MAP3K1: variants seen among roughly 807,000 people sequenced by gnomAD.
The protein encoded by MAP3K1 is mitogen-activated protein kinase kinase kinase 1, also known as MAP/ERK kinase kinase 1.
A neutral mutation model predicts 144.2 loss-of-function variants in MAP3K1; 36 were observed. That is an observed-to-expected ratio of 0.25 (90% CI 0.19 to 0.33). The LOEUF is 0.33. Among genes scored for constraint, MAP3K1 ranks in the 10% least tolerant of loss-of-function variants. MAP3K1 has a pLI of 1.00. For missense variants in MAP3K1, 1,650 were observed against 1,881.9 expected, an observed-to-expected ratio of 0.88 and a Z score of 2.28; for synonymous variants, 718 against 688.7, an observed-to-expected ratio of 1.04 and a Z score of -0.67.
chr5:56,833,135 G>T (rs1021722064), intron 1 of MAP3K1, among the ~76,000 whole-genome samples: 8 of 152,210 alleles, frequency 5.3e-5, no homozygotes, highest in Admixed American at 2.6e-4. Context: ...CTCCCAAAGT[G>T]CTGGGATTAC....
intron 1 of MAP3K1, among the ~76,000 whole-genome samples, chr5:56,823,237 A>T (rs1393380326): frequency 6.6e-6 from 1 of 152,094 alleles, no homozygotes; most frequent in African/African-American, 2.4e-5. Context: ...ATCTCAGCTC[A>T]CACTTGCCCT....
intron 7 of MAP3K1, among the ~76,000 whole-genome samples, chr5:56,872,246 G>C (rs1020640777): frequency 2.0e-5 from 3 of 152,180 alleles, no homozygotes; most frequent in Non-Finnish European, 2.9e-5. Context: ...AATAAAGTGT[G>C]TGTGACATAT....
intron 6 of MAP3K1, among the ~76,000 whole-genome samples, chr5:56,867,252 T>A (rs1041206616): frequency 6.6e-6 from 1 of 152,192 alleles, no homozygotes; most frequent in African/African-American, 2.4e-5. Flanking sequence ...ATATTTGGAT[T>A]TGCATATCCA....
intron 1 of MAP3K1, chr5:56,817,044 T>A (rs1204823397): frequency 1.0e-6 from 1 of 985,210 alleles, no homozygotes; most frequent in Non-Finnish European, 1.2e-6. Context: ...CCCGCTGAAT[T>A]CCAGGGGCCG....
At chr5:56,844,509 C>A (rs1267845036) in intron 1 of MAP3K1, among the ~76,000 whole-genome samples, 2 of 152,120 alleles carry the variant, frequency 1.3e-5, no homozygotes, top group East Asian at 3.9e-4. Context: ...GCTATGTCTT[C>A]TGTTTGGAAC....
chr5:56,841,096 G>A (rs1356382377), intron 1 of MAP3K1, among the ~76,000 whole-genome samples: 1 of 151,624 alleles, frequency 6.6e-6, no homozygotes, highest in Non-Finnish European at 1.5e-5. Context: ...TGGGCAAGGT[G>A]TTTCACACCT....
Position 56,859,456 on chromosome 5 carries a change from T to C in MAP3K1, c.634-259T>C, listed in dbSNP as rs377048652. Among the ~76,000 whole-genome samples the C allele has an allele frequency of 3.3e-5, 5 of 152,290 alleles. No homozygotes were observed. The East Asian group carries it at 5.8e-4, about 18-fold the overall frequency. On this transcript the variant is annotated intron_variant, in intron 2 of 19. Coordinates refer to ENST00000399503, the MANE Select transcript of MAP3K1 (RefSeq NM_005921.2). Reference sequence around the variant, plus strand: ...ACAAATAATACCATTTCTACAGTTTTGTATGCATTACAAAATTGTAAGGGA... The same window carrying C: ...ACAAATAATACCATTTCTACAGTTTCGTATGCATTACAAAATTGTAAGGGA...
intron 2 of MAP3K1, among the ~76,000 whole-genome samples, chr5:56,857,584 C>T (rs1579751322): frequency 6.6e-6 from 1 of 152,232 alleles, no homozygotes; most frequent in East Asian, 1.9e-4. Flanking sequence ...CTACATTCAT[C>T]CCATATGCCT....
chr5:56,847,064 C>A (rs1422869723), intron 1 of MAP3K1, among the ~76,000 whole-genome samples: 1 of 152,208 alleles, frequency 6.6e-6, no homozygotes, highest in Non-Finnish European at 1.5e-5. Context: ...GCCTTATTTT[C>A]TTTCTGGAAC....
chr5:56,822,197 T>C (rs769160625), intron 1 of MAP3K1, among the ~76,000 whole-genome samples: 6 of 152,024 alleles, frequency 3.9e-5, no homozygotes, highest in Non-Finnish European at 5.9e-5. Flanking sequence ...TTAATTTTTG[T>C]ATTTTTTTGT....
chr5:56,869,317 A>G (rs1308574365), intron 6 of MAP3K1, among the ~76,000 whole-genome samples: 2 of 152,138 alleles, frequency 1.3e-5, no homozygotes, highest in Non-Finnish European at 2.9e-5. Context: ...GAAGGAGATC[A>G]TGGAAAATGG....
chr5:56,871,851 A>G (rs989045164), intron 6 of MAP3K1, 59 bp from the exon 7 acceptor site: 114 of 1,546,530 alleles, frequency 7.4e-5, no homozygotes, highest in Non-Finnish European at 8.9e-5. Context: ...TGTTTTTAGC[A>G]TATCCGTTCT....
At position 56,894,726 on chromosome 5, in the gene MAP3K1, C is replaced by G. The variant is rs1389015170; in HGVS notation, c.*1046C>G. The G allele has an allele frequency of 8.6e-6, 2 of 232,204 alleles. No homozygotes were observed. Among genetic ancestry groups the G allele is most frequent in the African/African-American group, 2.2e-5 (1 of 45,312 alleles). 14.4% of individuals were successfully genotyped at this position (232,204 alleles called of 1,614,324 possible). ...GTAGTAACATAGAGCTGCCATTTTC[C>G]TTTTACCATGCATCATCTCTTTACA... On this transcript the variant is annotated 3_prime_UTR_variant, in exon 20 of 20. Transcript: ENST00000399503.
At chr5:56,829,198 C>G (rs1358495054) in intron 1 of MAP3K1, among the ~76,000 whole-genome samples, 1 of 142,726 alleles carries the variant, frequency 7.0e-6, no homozygotes, top group Non-Finnish European at 1.5e-5. Context: ...CCTCTTTTTT[C>G]TGAGACAGGG....
chr5:56,852,793 A>G (rs1747215102), intron 1 of MAP3K1, among the ~76,000 whole-genome samples: 1 of 152,196 alleles, frequency 6.6e-6, no homozygotes, highest in Admixed American at 6.6e-5. Flanking sequence ...CTCATCTCCC[A>G]GTGACTTCAC....
chr5:56,879,776 A>T (rs1159372842), intron 11 of MAP3K1, among the ~76,000 whole-genome samples: 1 of 152,236 alleles, frequency 6.6e-6, no homozygotes, highest in East Asian at 1.9e-4. Context: ...TTCATTTAAT[A>T]ATCACAGCTA....
intron 1 of MAP3K1, among the ~76,000 whole-genome samples, chr5:56,821,721 T>C (rs1404864192): frequency 2.0e-5 from 3 of 152,344 alleles, no homozygotes; most frequent in South Asian, 2.1e-4. Flanking sequence ...ATTTAAGTTA[T>C]ATGTTAACAC....
Position 56,874,593 on chromosome 5 carries a change from A to G in MAP3K1, c.1687-439A>G, listed in dbSNP as rs529094632. On this transcript the variant is annotated intron_variant, in intron 9 of 19. Coordinates refer to ENST00000399503, the MANE Select transcript of MAP3K1 (RefSeq NM_005921.2). ...AGAGAAATACTCTATATCTCTTGAAACCTTCTCCTGGTGCTTTTTTTGATT... is the reference window on the plus strand; with the variant it reads ...AGAGAAATACTCTATATCTCTTGAAGCCTTCTCCTGGTGCTTTTTTTGATT... Among the ~76,000 whole-genome samples, 5 of 152,136 alleles carry G rather than the reference A, an allele frequency of 3.3e-5. No homozygotes were observed. The East Asian group carries it at 9.7e-4, about 29-fold the overall frequency.
At chr5:56,853,391 TA>T (rs373320506) in intron 1 of MAP3K1, among the ~76,000 whole-genome samples, 1 of 152,230 alleles carries the variant, frequency 6.6e-6, no homozygotes, top group African/African-American at 2.4e-5. Context: ...TACAGAATTA[TA>T]AAAAAAGTTA....
Sources: gnomAD v4.1 joint callset for allele counts (sites outside exome capture counted in the v4.1 genomes callset) on GRCh38, gnomAD v4.1.1 for gene constraint, MANE v1.5 for transcripts, NCBI Gene and HGNC (gene_info 2026-07-23, HGNC 2026-07-21) for gene names.